The following FOXB1 variants were observed in gnomAD, a reference collection of about 807,000 sequenced individuals.
FOXB1 encodes forkhead box B1, also known as forkhead box protein B1.
In FOXB1, 6 loss-of-function variants were observed where a neutral mutation model predicts 18.6. The ratio of observed to expected loss-of-function variants is 0.32; its 90% confidence interval spans 0.18 to 0.64. The LOEUF (loss-of-function observed/expected upper bound fraction) is 0.64. FOXB1 is among the 30% of genes least tolerant of loss of function. The pLI, the probability that FOXB1 is intolerant of heterozygous loss-of-function variation, is 0.78. For missense variants in FOXB1, 419 were observed against 463.6 expected, an observed-to-expected ratio of 0.90 and a Z score of 0.88; for synonymous variants, 213 against 216.0, an observed-to-expected ratio of 0.99 and a Z score of 0.12.
chr15:60,007,371 A>T lies in FOXB1; in HGVS notation c.*1430A>T, dbSNP rs1029738459. On this transcript the variant is annotated 3_prime_UTR_variant, in exon 2 of 2. Transcript: ENST00000396057. ...TGCCTGTTTTAAAACAAAGGATTTA[A>T]AAAAAAAGGGTGTCTACATTAAATT... The T allele has an allele frequency of 2.6e-5, 4 of 151,522 alleles. No homozygotes were observed. The highest frequency in any genetic ancestry group is 9.7e-5 in the African/African-American group (4 of 41,068). 9.4% of individuals were successfully genotyped at this position (151,522 alleles called of 1,614,324 possible).
At position 60,005,006 on chromosome 15, in the gene FOXB1, C is replaced by A; in HGVS notation, c.43C>A (p.Pro15Thr). 1 of 1,614,032 alleles carries A rather than the reference C, an allele frequency of 6.2e-7. No individual in the cohort carries two copies. Among genetic ancestry groups the A allele is most frequent in the Admixed American group, 1.7e-5 (1 of 60,030 alleles). Residue 15 changes from proline to threonine, a missense_variant, in exon 2 of 2, where the codon CCC becomes ACC. Pro to Thr is a conservative substitution (Grantham distance 38). Coordinates refer to ENST00000396057, the MANE Select transcript of FOXB1 (RefSeq NM_012182.3). The surrounding 1 kb of genome is among the most constrained non-coding windows in gnomAD (Gnocchi z 9.8). ...CAACACGTACAGCGACCAGAAGCCG[C>A]CCTACTCGTACATCTCGCTGACCGC... is the stretch of plus-strand genomic sequence containing the variant. ...GRNTYSDQKP[P>T]YSYISLTAMA...
rs1202592318 is a variant in FOXB1, at chr15:60,004,987, G to A, written c.24G>A (p.Thr8=). 6.2e-7 allele frequency: 1 copy of A among 1,613,376 alleles called. No individual in the cohort carries two copies. Among genetic ancestry groups the A allele is most frequent in the Non-Finnish European group, 8.5e-7 (1 of 1,179,674 alleles). Residue 8 remains threonine, a synonymous_variant, in exon 2 of 2, where the codon ACG becomes ACA. Coordinates refer to ENST00000396057, the MANE Select transcript of FOXB1 (RefSeq NM_012182.3). MPRPGRN[T]YSDQKPPYSY... Reference sequence around the variant, plus strand: ...AGATGCCTCGGCCCGGCCGCAACACGTACAGCGACCAGAAGCCGCCCTACT... The same window carrying A: ...AGATGCCTCGGCCCGGCCGCAACACATACAGCGACCAGAAGCCGCCCTACT...
chr15:60,006,914 G>GGAAAAAA lies in FOXB1; in HGVS notation c.*973_*974insGAAAAAA, dbSNP rs1555411592. On this transcript the variant is annotated 3_prime_UTR_variant, in exon 2 of 2. Coordinates refer to ENST00000396057, the MANE Select transcript of FOXB1 (RefSeq NM_012182.3). Reference sequence around the variant, plus strand: ...TTTTAGCTATTTATTTTATTGTTGGGAAAAAAAAAAAAAAAAAAGAAGGAA... The same window carrying GGAAAAAA: ...TTTTAGCTATTTATTTTATTGTTGGGGAAAAAAAAAAAAAAAAAAAAAAAAGAAGGAA... The GGAAAAAA allele has an allele frequency of 1.5e-5, 2 of 136,010 alleles. No homozygotes were observed. 8.4% of individuals were successfully genotyped at this position (136,010 alleles called of 1,614,324 possible). A position where few individuals can be genotyped will look rare whatever the true frequency, so the allele number is the denominator to read the frequency against.
rs1892107519 is a variant in FOXB1 at position 60,006,928 on chromosome 15, A to AAG, written c.*988_*989insGA. ...TTTATTGTTGGGAAAAAAAAAAAAAAAAAAGAAGGAAAGAAAATGAAATAA... is the reference window on the plus strand; with the variant it reads ...TTTATTGTTGGGAAAAAAAAAAAAAAAGAAAAGAAGGAAAGAAAATGAAATAA... On this transcript the variant is annotated 3_prime_UTR_variant, in exon 2 of 2. Transcript: ENST00000396057. 1 of 151,628 alleles carries AAG rather than the reference A, an allele frequency of 6.6e-6. No homozygotes were observed. Among genetic ancestry groups the AAG allele is most frequent in the Non-Finnish European group, 1.5e-5 (1 of 67,898 alleles). 9.4% of individuals were successfully genotyped at this position (151,628 alleles called of 1,614,324 possible). A position where few individuals can be genotyped will look rare whatever the true frequency, so the allele number is the denominator to read the frequency against.
chr15:60,005,867 C>A lies in FOXB1; in HGVS notation c.904C>A (p.Gln302Lys). ...SPTSSQTATS[Q>K]SSPATPSETL... is the part of the protein sequence containing the mutation. Reference sequence around the variant, plus strand: ...CACGTCCTCGCAAACAGCCACCAGCCAAAGCAGCCCCGCCACCCCCAGCGA... The same window carrying A: ...CACGTCCTCGCAAACAGCCACCAGCAAAAGCAGCCCCGCCACCCCCAGCGA... Residue 302 changes from glutamine (Q) to lysine (K), a missense_variant, in exon 2 of 2, where the codon CAA becomes AAA. Physicochemically the swap from Gln to Lys is moderately conservative, Grantham distance 53 (BLOSUM62 1). This residue lies in a region of FOXB1 where 195 missense variants were observed against 179.8 expected (regional missense o/e 1.08). Coordinates refer to ENST00000396057, the MANE Select transcript of FOXB1 (RefSeq NM_012182.3). This position sits in a 1 kb window ranked among gnomAD's most constrained non-coding sequence, Gnocchi z 9.8. 1 of 1,598,840 alleles carries A rather than the reference C, an allele frequency of 6.3e-7. No individual in the cohort carries two copies. The highest frequency in any genetic ancestry group is 8.5e-7 in the Non-Finnish European group (1 of 1,174,180).
chr15:60,004,897 C>T lies in FOXB1; in HGVS notation c.-57-10C>T. On this transcript the variant is annotated splice_polypyrimidine_tract_variant and intron_variant, in intron 1 of 1. Transcript: ENST00000396057. ...ATGCTACCTTTCCCTATTACCCACC[C>T]CCTTCCCAGATCCGAGCAGTCCGCC... 1 of 1,539,624 alleles carries T rather than the reference C, an allele frequency of 6.5e-7. No homozygotes were observed. The highest frequency in any genetic ancestry group is 8.8e-7 in the Non-Finnish European group (1 of 1,142,716).
Position 60,005,757 on chromosome 15 carries a change from C to A in FOXB1, c.794C>A (p.Pro265His), listed in dbSNP as rs1451596970. ...CCCGCCATCCCCGTGCCCATTAAGC[C>A]CACGCCGGCCGCCGTGCCCGCGCTG... ...TLPAIPVPIK[P>H]TPAAVPALPA... The change falls in exon 2 of 2, where the codon CCC (proline) becomes CAC (histidine). Residue 265 changes from proline (P) to histidine (H), a missense_variant. Coordinates refer to ENST00000396057, the MANE Select transcript of FOXB1 (RefSeq NM_012182.3). The surrounding 1 kb of genome is among the most constrained non-coding windows in gnomAD (Gnocchi z 9.8). 2 of 1,600,626 alleles carry A rather than the reference C, an allele frequency of 1.2e-6. No homozygotes were observed. Among genetic ancestry groups the A allele is most frequent in the Non-Finnish European group, 1.7e-6 (2 of 1,176,956 alleles).
At position 60,005,877 on chromosome 15, in the gene FOXB1, C is replaced by G. The variant is rs1477494318; in HGVS notation, c.914C>G (p.Pro305Arg). 1 of 1,597,904 alleles carries G rather than the reference C, an allele frequency of 6.3e-7. No individual in the cohort carries two copies. Among genetic ancestry groups the G allele is most frequent in the Non-Finnish European group, 8.5e-7 (1 of 1,174,016 alleles). Residue 305 changes from proline (P) to arginine (R), a missense_variant, in exon 2 of 2, where the codon CCC (proline) becomes CGC (arginine). Pro to Arg is a moderately radical substitution (Grantham distance 103, BLOSUM62 -2). Around this residue, in one of 3 missense-constraint regions of FOXB1, gnomAD observed 195 missense variants for 179.8 expected, o/e 1.08. Coordinates refer to ENST00000396057, the MANE Select transcript of FOXB1 (RefSeq NM_012182.3). This position sits in a 1 kb window ranked among gnomAD's most constrained non-coding sequence, Gnocchi z 9.8. ...SSQTATSQSS[P>R]ATPSETLTSP... Reference sequence around the variant, plus strand: ...CAAACAGCCACCAGCCAAAGCAGCCCCGCCACCCCCAGCGAAACGCTCACC... The same window carrying G: ...CAAACAGCCACCAGCCAAAGCAGCCGCGCCACCCCCAGCGAAACGCTCACC...
Position 60,005,982 on chromosome 15 carries a change from AC to A in FOXB1, c.*43del, listed in dbSNP as rs777629396. 2.7e-6 allele frequency: 4 copies of A among 1,508,278 alleles called. No homozygotes were observed. In the African/African-American group the frequency reaches 4.3e-5, roughly 16 times the overall value. 93.4% of individuals were successfully genotyped at this position (1,508,278 alleles called of 1,614,324 possible). On this transcript the variant is annotated 3_prime_UTR_variant, in exon 2 of 2. Transcript: ENST00000396057. This position sits in a 1 kb window ranked among gnomAD's most constrained non-coding sequence, Gnocchi z 9.8. ...GCCCCCTCTCGTTCTCCTCCCCACCACCTCACTCGCCTTCCCTGGCTCCCAG... is the reference window on the plus strand; with the variant it reads ...GCCCCCTCTCGTTCTCCTCCCCACCACTCACTCGCCTTCCCTGGCTCCCAG...
chr15:60,006,064 C>G lies in FOXB1; in HGVS notation c.*123C>G. 1 of 1,246,368 alleles carries G rather than the reference C, an allele frequency of 8.0e-7. No homozygotes were observed. The highest frequency in any genetic ancestry group is 1.1e-6 in the Non-Finnish European group (1 of 929,414). 77.2% of individuals were successfully genotyped at this position (1,246,368 alleles called of 1,614,324 possible). ...CTAACTTGTTCATTTCACCTTCGGC[C>G]AACCCGCCTTGCCCCAAGAGAACTT... On this transcript the variant is annotated 3_prime_UTR_variant, in exon 2 of 2. Transcript: ENST00000396057.
In FOXB1 at chr15:60,005,891, G is replaced by C. The variant is rs1892090411; in HGVS notation, c.928G>C (p.Glu310Gln). ...TSQSSPATPS[E>Q]TLTSPASALH... ...CCAAAGCAGCCCCGCCACCCCCAGC[G>C]AAACGCTCACCAGCCCGGCCTCCGC... The change falls in exon 2 of 2, where the codon GAA (glutamate) becomes CAA (glutamine). Residue 310 changes from glutamate to glutamine, a missense_variant. By Grantham distance (29) the Glu-to-Gln change is conservative (BLOSUM62 2). Around this residue, in one of 3 missense-constraint regions of FOXB1, gnomAD observed 195 missense variants for 179.8 expected, o/e 1.08. Coordinates refer to ENST00000396057, the MANE Select transcript of FOXB1 (RefSeq NM_012182.3). The surrounding 1 kb of genome is among the most constrained non-coding windows in gnomAD (Gnocchi z 9.8). 6.3e-7 allele frequency: 1 copy of C among 1,596,948 alleles called. No homozygotes were observed. The highest frequency in any genetic ancestry group is 1.1e-5 in the South Asian group (1 of 89,086).
In FOXB1 at chr15:60,005,447, C is replaced by G; in HGVS notation, c.484C>G (p.Gln162Glu). The G allele has an allele frequency of 6.2e-7, 1 of 1,611,168 alleles. No individual in the cohort carries two copies. Among genetic ancestry groups the G allele is most frequent in the African/African-American group, 1.3e-5 (1 of 75,026 alleles). Reference sequence around the variant, plus strand: ...CGCCTACAACTTGGGCGGCGTGGCGCAGCCCTCGGGCTTCAAGCACCCCTT... The same window carrying G: ...CGCCTACAACTTGGGCGGCGTGGCGGAGCCCTCGGGCTTCAAGCACCCCTT... Reference protein sequence around the residue: ...AAAYNLGGVAQPSGFKHPFAI... With the variant: ...AAAYNLGGVAEPSGFKHPFAI... Residue 162 changes from glutamine to glutamate, a missense_variant, in exon 2 of 2, where the codon CAG (glutamine) becomes GAG (glutamate). Gln to Glu is a conservative substitution (Grantham distance 29). Coordinates refer to ENST00000396057, the MANE Select transcript of FOXB1 (RefSeq NM_012182.3). This position sits in a 1 kb window ranked among gnomAD's most constrained non-coding sequence, Gnocchi z 9.8.
chr15:60,004,725 C>T (rs1014957480), intron 1 of FOXB1, 82 bp downstream of exon 1: 1 of 564,512 alleles, frequency 1.8e-6, no homozygotes, highest in Non-Finnish European at 3.1e-6. Context: ...GCGCCGTTCG[C>T]CGGCTTCCCC....
rs199935228 is a variant in FOXB1, at chr15:60,006,369, C to T, written c.*428C>T. The T allele has an allele frequency of 1.8e-5, 3 of 163,716 alleles. No individual in the cohort carries two copies. Among genetic ancestry groups the T allele is most frequent in the Non-Finnish European group, 3.9e-5 (3 of 76,996 alleles). 10.1% of individuals were successfully genotyped at this position (163,716 alleles called of 1,614,324 possible). Reference sequence around the variant, plus strand: ...GCCTCAGATGTTTCCAGGAACAGATCCCCCCCACACCCCCTCCCCGCGAGG... The same window carrying T: ...GCCTCAGATGTTTCCAGGAACAGATTCCCCCCACACCCCCTCCCCGCGAGG... On this transcript the variant is annotated 3_prime_UTR_variant, in exon 2 of 2. Coordinates refer to ENST00000396057, the MANE Select transcript of FOXB1 (RefSeq NM_012182.3).
Position 60,005,468 on chromosome 15 carries a change from C to A in FOXB1, c.505C>A (p.Pro169Thr). ...GVAQPSGFKHPFAIENIIARE... is the reference protein window; with the variant it reads ...GVAQPSGFKHTFAIENIIARE... ...GGCGCAGCCCTCGGGCTTCAAGCAC[C>A]CCTTCGCCATCGAGAACATCATCGC... The change falls in exon 2 of 2, where the codon CCC (proline) becomes ACC (threonine). Residue 169 changes from proline (P) to threonine (T), a missense_variant. Physicochemically the swap from Pro to Thr is conservative, Grantham distance 38. Coordinates refer to ENST00000396057, the MANE Select transcript of FOXB1 (RefSeq NM_012182.3). The surrounding 1 kb of genome is among the most constrained non-coding windows in gnomAD (Gnocchi z 9.8). The A allele has an allele frequency of 1.9e-6, 3 of 1,611,958 alleles. No individual in the cohort carries two copies. The highest frequency in any genetic ancestry group is 2.5e-6 in the Non-Finnish European group (3 of 1,179,634).
In FOXB1 at chr15:60,005,877, C is replaced by A. The variant is rs1477494318; in HGVS notation, c.914C>A (p.Pro305His). ...CAAACAGCCACCAGCCAAAGCAGCC[C>A]CGCCACCCCCAGCGAAACGCTCACC... ...SSQTATSQSS[P>H]ATPSETLTSP... is the part of the protein sequence containing the mutation. The change falls in exon 2 of 2, where the codon CCC (proline) becomes CAC (histidine). Residue 305 changes from proline (P) to histidine (H), a missense_variant. Physicochemically the swap from Pro to His is moderately conservative, Grantham distance 77 (BLOSUM62 -2). Transcript: ENST00000396057. This position sits in a 1 kb window ranked among gnomAD's most constrained non-coding sequence, Gnocchi z 9.8. 5.6e-6 allele frequency: 9 copies of A among 1,598,020 alleles called. No homozygotes were observed. The highest frequency in any genetic ancestry group is 7.7e-6 in the Non-Finnish European group (9 of 1,174,008).
rs1892070783 is a variant in FOXB1, at chr15:60,004,813, C to A, written c.-57-94C>A. The A allele has an allele frequency of 9.2e-6, 2 of 216,968 alleles. 1 individual carries two copies. Among genetic ancestry groups the A allele is most frequent in the African/African-American group, 5.0e-5 (2 of 39,876 alleles). The allele number at this position is 216,968 out of a possible 1,614,324, so 13.4% of individuals were successfully genotyped here. ...CTGATCGAGCGCCGCAGGCCCCACC[C>A]CCGACCCCCGAAGTCTGTTACTCGG... is the stretch of plus-strand genomic sequence containing the variant. On this transcript the variant is annotated intron_variant, in intron 1 of 1. Coordinates refer to ENST00000396057, the MANE Select transcript of FOXB1 (RefSeq NM_012182.3).
At chr15:60,004,856 G>A (rs1892071363) in intron 1 of FOXB1, 51 bp from the exon 2 acceptor site, 13 of 1,165,768 alleles carry the variant, frequency 1.1e-5, no homozygotes, top group Non-Finnish European at 1.3e-5. Flanking sequence ...GACCCCGCCG[G>A]TGTCTCTGTG....
chr15:60,004,839 T>A, intron 1 of FOXB1, 68 bp from the exon 2 acceptor site: 1 of 347,706 alleles, frequency 2.9e-6, no homozygotes, highest in Admixed American at 5.2e-5. Flanking sequence ...TGTTACTCGG[T>A]CTGGCTGACC....
Sources: allele counts gnomAD v4.1 joint callset, GRCh38; gene constraint gnomAD v4.1.1; regional missense constraint gnomAD v4.1.1; non-coding constraint Gnocchi (gnomAD v3.1); transcripts MANE v1.5; gene names NCBI Gene and HGNC (gene_info 2026-07-23, HGNC 2026-07-21).